ARID1B: variants seen among roughly 807,000 people sequenced by gnomAD.
The protein encoded by ARID1B is AT-rich interaction domain 1B, also known as AT-rich interactive domain-containing protein 1B.
ARID1B carries 30 observed loss-of-function variants against 212.3 expected under a neutral mutation model. The observed-to-expected ratio is 0.14, with a 90% CI of 0.11 to 0.19. ARID1B has a LOEUF of 0.19. Ranked by LOEUF, ARID1B falls within the 10% of genes least tolerant of loss-of-function variation. The pLI, the probability that ARID1B is intolerant of heterozygous loss-of-function variation, is 1.00. For synonymous variants in ARID1B, 1,402 were observed against 1,301.7 expected (o/e 1.08, Z -1.66); for missense variants, 2,891 against 3,204.0 (o/e 0.90, Z 2.36).
At chr6:157,003,748 G>A (rs1472062743) in intron 4 of ARID1B, among the ~76,000 whole-genome samples, 2 of 152,182 alleles carry the variant, frequency 1.3e-5, no homozygotes, top group Non-Finnish European at 1.5e-5. Context: ...GGGTGCAGTA[G>A]CACCATCATA....
chr6:156,795,483 C>T (rs1268433741), intron 1 of ARID1B, among the ~76,000 whole-genome samples: 1 of 152,064 alleles, frequency 6.6e-6, no homozygotes, highest in Non-Finnish European at 1.5e-5. Context: ...AACCAAACAC[C>T]AAAATTAGCA....
At chr6:157,059,583 A>G (rs1337536469) in intron 4 of ARID1B, among the ~76,000 whole-genome samples, 6 of 152,254 alleles carry the variant, frequency 3.9e-5, no homozygotes. Context: ...TTCTGAGACT[A>G]GTTTACTCAA....
chr6:156,839,557 A>G (rs1430010970), intron 2 of ARID1B, among the ~76,000 whole-genome samples: 1 of 152,172 alleles, frequency 6.6e-6, no homozygotes, highest in Non-Finnish European at 1.5e-5. Flanking sequence ...AGGAAGAGCT[A>G]ATCTCTTTCT....
At chr6:157,187,811 G>A (rs1397186922) in intron 13 of ARID1B, among the ~76,000 whole-genome samples, 1 of 147,140 alleles carries the variant, frequency 6.8e-6, no homozygotes, top group Admixed American at 6.8e-5. Flanking sequence ...TTTTTTATTA[G>A]CTATAAATGT....
At chr6:157,180,900 T>C in intron 11 of ARID1B, 69 bp from the exon 12 acceptor site, 1 of 1,359,154 alleles carries the variant, frequency 7.4e-7, no homozygotes, top group Non-Finnish European at 1.0e-6. Context: ...TCATTACTTT[T>C]TTCTCACCTT....
intron 1 of ARID1B, among the ~76,000 whole-genome samples, chr6:156,821,022 CTT>C (rs1319026449): frequency 6.6e-6 from 1 of 152,154 alleles, no homozygotes; most frequent in Non-Finnish European, 1.5e-5. Flanking sequence ...TTGATGAAGA[CTT>C]GGGTGAAATA....
intron 4 of ARID1B, among the ~76,000 whole-genome samples, chr6:156,963,695 G>T (rs1037120367): frequency 1.3e-5 from 2 of 150,866 alleles, no homozygotes; most frequent in African/African-American, 2.5e-5. Flanking sequence ...CCATGGAAGA[G>T]TTTGTTTGTT....
chr6:157,074,143 G>A (rs1453626831), intron 4 of ARID1B, among the ~76,000 whole-genome samples: 3 of 152,164 alleles, frequency 2.0e-5, no homozygotes, highest in Non-Finnish European at 4.4e-5. Flanking sequence ...TGAGAAGCAG[G>A]TTTCATTAGA....
chr6:156,829,493 A>G (rs1782994720), intron 2 of ARID1B, 72 bp downstream of exon 2: 1 of 1,437,284 alleles, frequency 7.0e-7, no homozygotes, highest in Non-Finnish European at 9.3e-7. Flanking sequence ...TCCACCTAAG[A>G]TTGATGTTAA....
chr6:157,190,352 C>G lies in ARID1B; in HGVS notation c.4231+142C>G. The G allele has an allele frequency of 9.4e-7, 1 of 1,068,120 alleles. No homozygotes were observed. Among genetic ancestry groups the G allele is most frequent in the Non-Finnish European group, 1.3e-6 (1 of 768,598 alleles). 66.2% of individuals were successfully genotyped at this position (1,068,120 alleles called of 1,614,324 possible). Reference sequence around the variant, plus strand: ...GGTCCCAGGTCCCCATCCTACTCCACTTGTGGCCTTGGGAAAAGCAGTTAG... The same window carrying G: ...GGTCCCAGGTCCCCATCCTACTCCAGTTGTGGCCTTGGGAAAAGCAGTTAG... On this transcript the variant is annotated intron_variant, in intron 15 of 19. Transcript: ENST00000636930. This position sits in a 1 kb window ranked among gnomAD's most constrained non-coding sequence, Gnocchi z 4.6.
intron 4 of ARID1B, among the ~76,000 whole-genome samples, chr6:157,018,644 G>A (rs1780051543): frequency 1.3e-5 from 2 of 152,132 alleles, no homozygotes; most frequent in South Asian, 4.1e-4. Context: ...TTGGATTTCT[G>A]GCGTATGAGA....
At chr6:156,800,329 C>T (rs550068088) in intron 1 of ARID1B, among the ~76,000 whole-genome samples, 1 of 152,268 alleles carries the variant, frequency 6.6e-6, no homozygotes, top group Admixed American at 6.5e-5. Context: ...GTGGGTCACC[C>T]CTGTAATCCA....
intron 10 of ARID1B, 58 bp from the exon 11 acceptor site, chr6:157,174,789 T>A: frequency 2.2e-6 from 3 of 1,364,744 alleles, no homozygotes; most frequent in Non-Finnish European, 2.9e-6. Context: ...TTTTTGTTAT[T>A]TTAAATAAAG....
chr6:157,187,341 A>G (rs1050578102), intron 13 of ARID1B, among the ~76,000 whole-genome samples: 3 of 152,144 alleles, frequency 2.0e-5, no homozygotes, highest in Admixed American at 6.5e-5. Flanking sequence ...CTGAATTTCT[A>G]TTATTAGCTG....
chr6:156,907,806 G>T (rs1013782422), intron 3 of ARID1B, among the ~76,000 whole-genome samples: 1 of 151,600 alleles, frequency 6.6e-6, no homozygotes, highest in Non-Finnish European at 1.5e-5. Context: ...TACTTGGGAG[G>T]CTGAGGCACG....
chr6:156,979,851 T>G (rs1777500866), intron 4 of ARID1B, among the ~76,000 whole-genome samples: 1 of 152,062 alleles, frequency 6.6e-6, no homozygotes, highest in South Asian at 2.1e-4. Flanking sequence ...CCACTGCACC[T>G]GGCCTGTTCC....
intron 4 of ARID1B, among the ~76,000 whole-genome samples, chr6:157,067,531 C>G (rs1394243069): frequency 6.6e-6 from 1 of 151,824 alleles, no homozygotes; most frequent in Admixed American, 6.5e-5. Flanking sequence ...TTTTTTGCTT[C>G]TCGCGAAGGT....
chr6:157,095,646 T>C lies in ARID1B; in HGVS notation c.2491+10741T>C, dbSNP rs7739233. ...TCATGTGTTAAGGGCGGCATAGTGC[T>C]GAGGTTTTTTCCCCTGATCTTTCTA... On this transcript the variant is annotated intron_variant, in intron 5 of 19. Transcript: ENST00000636930. 5.8e-3 allele frequency among the ~76,000 whole-genome samples: 876 copies of C among 152,312 alleles called. 12 individuals are homozygous for C. Among genetic ancestry groups the C allele is most frequent in the African/African-American group, 0.02 (813 of 41,552 alleles).
At chr6:157,056,872 C>T (rs182742114) in intron 4 of ARID1B, among the ~76,000 whole-genome samples, 121 of 144,036 alleles carry the variant, frequency 8.4e-4, no homozygotes, top group Middle Eastern at 7.2e-3. Context: ...TAAAACTTTT[C>T]TTCTTTTTTT....
Sources: allele counts gnomAD v4.1 joint callset (sites outside exome capture counted in the v4.1 genomes callset), GRCh38; gene constraint gnomAD v4.1.1; non-coding constraint Gnocchi (gnomAD v3.1); transcripts MANE v1.5; gene names NCBI Gene and HGNC (gene_info 2026-07-23, HGNC 2026-07-21).